SPP1: variants seen among roughly 807,000 people sequenced by gnomAD.
SPP1 encodes the protein osteopontin.
Under a neutral mutation model 20.8 loss-of-function variants are expected in SPP1, and 18 were observed. The ratio of observed to expected loss-of-function variants is 0.87; its 90% confidence interval spans 0.60 to 1.29. SPP1 has a LOEUF of 1.29. Among genes scored for constraint, SPP1 ranks in the 50% most tolerant of loss-of-function variants. The pLI is 0.00. For synonymous variants in SPP1, 146 were observed against 141.5 expected (o/e 1.03, Z -0.23); for missense variants, 363 against 389.0 (o/e 0.93, Z 0.56).
Position 87,981,647 on chromosome 4 carries a change from A to T in SPP1, c.389A>T (p.Asp130Val). 1 of 1,614,182 alleles carries T rather than the reference A, an allele frequency of 6.2e-7. No homozygotes were observed. The highest frequency in any genetic ancestry group is 8.5e-7 in the Non-Finnish European group (1 of 1,180,030). The change falls in exon 6 of 7, where the codon GAT (aspartate) becomes GTT (valine). Residue 130 changes from aspartate (D) to valine (V), a missense_variant. Coordinates refer to ENST00000395080, the MANE Select transcript of SPP1 (RefSeq NM_001040058.2). ...GAGTCTCACCATTCTGATGAATCTG[A>T]TGAACTGGTCACTGATTTTCCCACG... Reference protein sequence around the residue: ...SDESHHSDESDELVTDFPTDL... With the variant: ...SDESHHSDESVELVTDFPTDL...
rs41482345 is a variant in SPP1 at position 87,983,394 on chromosome 4, A to T, written c.*498A>T. The stretch of plus-strand genomic sequence containing the variant: ...GGTTGTCCAGCAATTAATAAAACAT[A>T]ACCTTTTTTACTGCCTATATAATGT... On this transcript the variant is annotated 3_prime_UTR_variant, in exon 7 of 7. Transcript: ENST00000395080. 3,348 of 155,146 alleles carry T rather than the reference A, an allele frequency of 0.022. 125 individuals carry two copies. Among genetic ancestry groups the T allele is most frequent in the African/African-American group, 0.076 (3,151 of 41,544 alleles). The allele number at this position is 155,146 out of a possible 1,614,324, so 9.6% of individuals were successfully genotyped here.
chr4:87,980,455 A>C (rs2110068789), intron 5 of SPP1, 21 bp downstream of exon 5: 1 of 1,613,492 alleles, frequency 6.2e-7, no homozygotes, highest in South Asian at 1.1e-5. Flanking sequence ...ATTTTCAATC[A>C]GAGGCCCATC....
rs199739149 is a variant in SPP1, at chr4:87,981,685, A to T, written c.427A>T (p.Thr143Ser). ...TGATTTTCCCACGGACCTGCCAGCA[A>T]CCGAAGTTTTCACTCCAGTTGTCCC... ...VTDFPTDLPA[T>S]EVFTPVVPTV... The change falls in exon 6 of 7, where the codon ACC becomes TCC. Residue 143 changes from threonine to serine, a missense_variant. Physicochemically the swap from Thr to Ser is moderately conservative, Grantham distance 58 (BLOSUM62 1). Transcript: ENST00000395080. 2 of 1,614,074 alleles carry T rather than the reference A, an allele frequency of 1.2e-6. No homozygotes were observed. Among genetic ancestry groups the T allele is most frequent in the Non-Finnish European group, 1.7e-6 (2 of 1,180,040 alleles).
intron 5 of SPP1, 54 bp from the exon 6 acceptor site, chr4:87,981,421 C>T (rs1421551458): frequency 3.3e-6 from 5 of 1,507,746 alleles, no homozygotes; most frequent in Non-Finnish European, 3.6e-6. Flanking sequence ...GCTATAAAGG[C>T]TAAGGGAAAA....
At chr4:87,979,381 G>T (rs1218289976) in intron 3 of SPP1, among the ~76,000 whole-genome samples, 1 of 151,600 alleles carries the variant, frequency 6.6e-6, no homozygotes, top group African/African-American at 2.4e-5. Context: ...CACTGTGTTA[G>T]CCAGGATGTT....
At position 87,980,208 on chromosome 4, in the gene SPP1, T is replaced by C. The variant is rs1026165369; in HGVS notation, c.174+82T>C. 1.5e-5 allele frequency: 23 copies of C among 1,531,948 alleles called. No individual in the cohort carries two copies. In the African/African-American group the frequency reaches 2.1e-4, roughly 14 times the overall value. 94.9% of individuals were successfully genotyped at this position (1,531,948 alleles called of 1,614,324 possible). A position where few individuals can be genotyped will look rare whatever the true frequency, so the allele number is the denominator to read the frequency against. On this transcript the variant is annotated intron_variant, in intron 4 of 6. Transcript: ENST00000395080. ...CCATTTGGGCTGCTCAGATGAATCCTGCCTGCCTGCTGGCAAACATGTGCT... is the reference window on the plus strand; with the variant it reads ...CCATTTGGGCTGCTCAGATGAATCCCGCCTGCCTGCTGGCAAACATGTGCT...
In SPP1 at chr4:87,982,567, C is replaced by T. The variant is rs868743585; in HGVS notation, c.616C>T (p.Pro206Ser). Residue 206 changes from proline to serine, a missense_variant, in exon 7 of 7, where the codon CCC becomes TCC. Transcript: ENST00000395080. ...GTTGAATGGTGCATACAAGGCCATC[C>T]CCGTTGCCCAGGACCTGAACGCGCC... Reference protein sequence around the residue: ...EELNGAYKAIPVAQDLNAPSD... With the variant: ...EELNGAYKAISVAQDLNAPSD... 6.2e-7 allele frequency: 1 copy of T among 1,614,010 alleles called. No homozygotes were observed. The highest frequency in any genetic ancestry group is 8.5e-7 in the Non-Finnish European group (1 of 1,180,046).
At chr4:87,976,110 G>A (rs1263618660) in intron 1 of SPP1, among the ~76,000 whole-genome samples, 3 of 152,088 alleles carry the variant, frequency 2.0e-5, no homozygotes, top group African/African-American at 4.8e-5. Context: ...ATAATTTTCA[G>A]TGGGTGACTG....
In SPP1 at chr4:87,982,554, A is replaced by G. The variant is rs1725690825; in HGVS notation, c.603A>G (p.Ala201=). Residue 201 remains alanine (A), a synonymous_variant, in exon 7 of 7, where the codon GCA becomes GCG. Coordinates refer to ENST00000395080, the MANE Select transcript of SPP1 (RefSeq NM_001040058.2). ...SHMESEELNG[A]YKAIPVAQDL... ...TGGAAAGCGAGGAGTTGAATGGTGC[A>G]TACAAGGCCATCCCCGTTGCCCAGG... The G allele has an allele frequency of 6.2e-7, 1 of 1,614,056 alleles. No homozygotes were observed. Among genetic ancestry groups the G allele is most frequent in the Non-Finnish European group, 8.5e-7 (1 of 1,180,042 alleles).
chr4:87,976,903 T>G lies in SPP1; in HGVS notation c.8T>G (p.Ile3Ser). Residue 3 changes from isoleucine (I) to serine (S), a missense_variant, in exon 2 of 7, where the codon ATT becomes AGT. By Grantham distance (142) the Ile-to-Ser change is moderately radical. Coordinates refer to ENST00000395080, the MANE Select transcript of SPP1 (RefSeq NM_001040058.2). Reference sequence around the variant, plus strand: ...GCAGGAAAACTCACTACCATGAGAATTGCAGTGATTTGCTTTTGCCTCCTA... The same window carrying G: ...GCAGGAAAACTCACTACCATGAGAAGTGCAGTGATTTGCTTTTGCCTCCTA... MRIAVICFCLLGI... is the reference protein window; with the variant it reads MRSAVICFCLLGI... 3 of 1,613,458 alleles carry G rather than the reference T, an allele frequency of 1.9e-6. No individual in the cohort carries two copies. In the African/African-American group the frequency reaches 4.0e-5, roughly 21 times the overall value.
At chr4:87,977,010 T>G (rs1034660963) in intron 2 of SPP1, 49 bp from the exon 3 acceptor site, 1 of 1,612,918 alleles carries the variant, frequency 6.2e-7, no homozygotes, top group Non-Finnish European at 8.5e-7. Flanking sequence ...TGCTTCCATG[T>G]GCTAGGAGGA....
intron 6 of SPP1, among the ~76,000 whole-genome samples, chr4:87,982,132 G>C (rs1295080281): frequency 6.6e-6 from 1 of 152,112 alleles, no homozygotes; most frequent in African/African-American, 2.4e-5. Context: ...AGGAATTGTA[G>C]TTGCAAATTA....
chr4:87,979,903 G>GC (rs1553921953), intron 3 of SPP1, 143 bp from the exon 4 acceptor site: 32 of 637,292 alleles, frequency 5.0e-5, no homozygotes, highest in Non-Finnish European at 8.2e-5. Context: ...AAATGAATCT[G>GC]CAAAAAAAAA....
chr4:87,977,632 C>T, intron 3 of SPP1: 1 of 1,104,338 alleles, frequency 9.1e-7, no homozygotes, highest in Admixed American at 4.6e-5. Context: ...ATAAGACCAA[C>T]CAAACTCTTT....
Position 87,981,662 on chromosome 4 carries a change from A to AT in SPP1, c.408dup (p.Pro137SerfsTer21). 6.2e-7 allele frequency: 1 copy of AT among 1,614,070 alleles called. No individual in the cohort carries two copies. Among genetic ancestry groups the AT allele is most frequent in the Non-Finnish European group, 8.5e-7 (1 of 1,180,036 alleles). The stretch of plus-strand genomic sequence containing the variant: ...GATGAATCTGATGAACTGGTCACTG[A>AT]TTTTCCCACGGACCTGCCAGCAACC... On this transcript the variant is annotated frameshift_variant, in exon 6 of 7. Transcript: ENST00000395080. LOFTEE classifies it high-confidence loss of function.
At position 87,979,980 on chromosome 4, in the gene SPP1, G is replaced by T. The variant is rs1692875766; in HGVS notation, c.94-66G>T. On this transcript the variant is annotated intron_variant, in intron 3 of 6. Transcript: ENST00000395080. ...CTTCCATCAAGACTAGTGAAGAATG[G>T]TTGTTTTTTCCATTCATCCCTACAT... 3.3e-6 allele frequency: 5 copies of T among 1,509,548 alleles called. No homozygotes were observed. The East Asian group carries it at 1.1e-4, about 34-fold the overall frequency. 93.5% of individuals were successfully genotyped at this position (1,509,548 alleles called of 1,614,324 possible).
chr4:87,981,785 G>C lies in SPP1; in HGVS notation c.527G>C (p.Arg176Thr). ...GLRSKSKKFR[R>T]PDIQYPDATD... ...AGGTCAAAATCTAAGAAGTTTCGCA[G>C]ACCTGACATCCAGGTAAATCCTTTA... The change falls in exon 6 of 7, where the codon AGA becomes ACA. Residue 176 changes from arginine (R) to threonine (T), a missense_variant. Coordinates refer to ENST00000395080, the MANE Select transcript of SPP1 (RefSeq NM_001040058.2). 1 of 1,613,682 alleles carries C rather than the reference G, an allele frequency of 6.2e-7. No homozygotes were observed. Among genetic ancestry groups the C allele is most frequent in the Admixed American group, 1.7e-5 (1 of 60,026 alleles).
intron 3 of SPP1, among the ~76,000 whole-genome samples, chr4:87,977,491 G>T (rs1725427707): frequency 1.3e-5 from 2 of 152,156 alleles, no homozygotes; most frequent in South Asian, 2.1e-4. Flanking sequence ...AGAACTGTTT[G>T]TATGACCATA....
Position 87,982,736 on chromosome 4 carries a change from A to G in SPP1, c.785A>G (p.Asp262Gly), listed in dbSNP as rs1725711760. 1.9e-6 allele frequency: 3 copies of G among 1,614,178 alleles called. No individual in the cohort carries two copies. The highest frequency in any genetic ancestry group is 2.5e-6 in the Non-Finnish European group (3 of 1,180,026). The change falls in exon 7 of 7, where the codon GAT (aspartate) becomes GGT (glycine). Residue 262 changes from aspartate (D) to glycine (G), a missense_variant. Asp to Gly is a moderately conservative substitution (Grantham distance 94). Coordinates refer to ENST00000395080, the MANE Select transcript of SPP1 (RefSeq NM_001040058.2). ...AGCAATGAGCATTCCGATGTGATTG[A>G]TAGTCAGGAACTTTCCAAAGTCAGC... Reference protein sequence around the residue: ...DESNEHSDVIDSQELSKVSRE... With the variant: ...DESNEHSDVIGSQELSKVSRE...
Sources: allele counts gnomAD v4.1 joint callset (sites outside exome capture counted in the v4.1 genomes callset), GRCh38; gene constraint gnomAD v4.1.1; transcripts MANE v1.5; gene names NCBI Gene and HGNC (gene_info 2026-07-23, HGNC 2026-07-21).